PEPD: variants seen among roughly 807,000 people sequenced by gnomAD.
PEPD encodes xaa-Pro dipeptidase.
Under a neutral mutation model 60.7 loss-of-function variants are expected in PEPD, and 53 were observed. The ratio of observed to expected loss-of-function variants is 0.87; its 90% confidence interval spans 0.70 to 1.10. PEPD has a LOEUF of 1.10. Among genes scored for constraint, PEPD ranks in the 50% least tolerant of loss-of-function variants. The pLI is 0.00. For missense variants in PEPD, 711 were observed against 711.9 expected, an observed-to-expected ratio of 1.00 and a Z score of 0.01; for synonymous variants, 267 against 284.1, an observed-to-expected ratio of 0.94 and a Z score of 0.60.
chr19:33,443,134 C>G (rs534796613), intron 9 of PEPD, among the ~76,000 whole-genome samples: 113 of 152,372 alleles, frequency 7.4e-4, no homozygotes, highest in African/African-American at 2.6e-3. Context: ...TCTCTGTGGA[C>G]TTGCCTGTTC....
At chr19:33,431,092 AG>A (rs1470666900) in intron 9 of PEPD, among the ~76,000 whole-genome samples, 8 of 151,616 alleles carry the variant, frequency 5.3e-5, no homozygotes. Flanking sequence ...CCTGGGCAAC[AG>A]AGCAAGATCC....
intron 2 of PEPD, 65 bp from the exon 3 acceptor site, chr19:33,511,220 T>G: frequency 6.4e-7 from 1 of 1,572,628 alleles, no homozygotes; most frequent in Non-Finnish European, 8.7e-7. Flanking sequence ...GACCGGTGGC[T>G]GCATCACAGC....
At chr19:33,398,575 C>T (rs1968419128) in intron 12 of PEPD, among the ~76,000 whole-genome samples, 3 of 152,246 alleles carry the variant, frequency 2.0e-5, no homozygotes, top group Admixed American at 6.5e-5. Context: ...CCACAGGCCA[C>T]GCTCACCTGC....
intron 9 of PEPD, among the ~76,000 whole-genome samples, chr19:33,428,282 G>A (rs1007506423): frequency 4.6e-5 from 7 of 152,116 alleles, no homozygotes; most frequent in African/African-American, 1.2e-4. Context: ...CTGGGTCCCC[G>A]CAGGGAGCCC....
chr19:33,412,638 T>C (rs1968803409), intron 10 of PEPD, among the ~76,000 whole-genome samples: 1 of 152,270 alleles, frequency 6.6e-6, no homozygotes, highest in Non-Finnish European at 1.5e-5. Context: ...GTAATATTTA[T>C]GGCCCTGCTC....
intron 3 of PEPD, among the ~76,000 whole-genome samples, chr19:33,505,271 C>T (rs542748045): frequency 6.6e-6 from 1 of 152,118 alleles, no homozygotes; most frequent in African/African-American, 2.4e-5. Flanking sequence ...CAGAAGGCAG[C>T]GGCATTTGCT....
At chr19:33,462,742 G>A (rs1328253335) in intron 9 of PEPD, among the ~76,000 whole-genome samples, 1 of 152,214 alleles carries the variant, frequency 6.6e-6, no homozygotes, top group Non-Finnish European at 1.5e-5. Flanking sequence ...AACAAAGTCC[G>A]AGAGTAGAAT....
At position 33,391,391 on chromosome 19, in the gene PEPD, G is replaced by A. The variant is rs557804462; in HGVS notation, c.1056C>T (p.Asp352=). 21 of 1,596,358 alleles carry A rather than the reference G, an allele frequency of 1.3e-5. No homozygotes were observed. Among genetic ancestry groups the A allele is most frequent in the Middle Eastern group, 1.7e-4 (1 of 6,018 alleles). ...CCCCCAGGTGAGCCTGGACCATGGC[G>A]TCCACGCTGCCGCTCAGGATGCCCA... ...AHMGILSGSV[D]AMVQAHLGAV... is the part of the protein sequence containing the mutation. Residue 352 remains aspartate, a synonymous_variant, in exon 13 of 15, where the codon GAC becomes GAT. Transcript: ENST00000244137.
chr19:33,420,176 G>A (rs990997146), intron 9 of PEPD, among the ~76,000 whole-genome samples: 2 of 143,878 alleles, frequency 1.4e-5, no homozygotes, highest in African/African-American at 5.2e-5. Context: ...GATCAGTTAC[G>A]GATAAAACAT....
chr19:33,425,663 G>A (rs1969130381), intron 9 of PEPD, among the ~76,000 whole-genome samples: 1 of 152,066 alleles, frequency 6.6e-6, no homozygotes, highest in Non-Finnish European at 1.5e-5. Context: ...AGGATAAAAA[G>A]CATCTTAAAA....
In PEPD at chr19:33,413,653, G is replaced by GA; in HGVS notation, c.672-11dup. 1 of 1,563,350 alleles carries GA rather than the reference G, an allele frequency of 6.4e-7. No individual in the cohort carries two copies. On this transcript the variant is annotated splice_polypyrimidine_tract_variant and intron_variant, in intron 9 of 14. Transcript: ENST00000244137. ...GTAGTGCTCGAAGAGGCTGCAGGGG[G>GA]AGAGACGCGTCAGGGTTGGGGCACT...
intron 12 of PEPD, among the ~76,000 whole-genome samples, chr19:33,399,742 C>G (rs1968446534): frequency 1.3e-5 from 2 of 152,334 alleles, no homozygotes; most frequent in African/African-American, 4.8e-5. Context: ...AGTTCTGAGG[C>G]CGCATTCTGG....
chr19:33,493,233 C>A (rs1467262090), intron 5 of PEPD, 57 bp downstream of exon 5: 26 of 1,265,722 alleles, frequency 2.1e-5, no homozygotes, highest in Non-Finnish European at 2.9e-5. Flanking sequence ...AGGTGGCCCC[C>A]ATAAAAACCC....
intron 7 of PEPD, among the ~76,000 whole-genome samples, chr19:33,465,533 C>T (rs1258110970): frequency 1.3e-5 from 2 of 152,084 alleles, no homozygotes; most frequent in South Asian, 2.1e-4. Flanking sequence ...CTGGGGGCCA[C>T]TCCAGCACCA....
chr19:33,391,012 CCTGA>C (rs1450587427), intron 13 of PEPD, among the ~76,000 whole-genome samples: 7 of 152,304 alleles, frequency 4.6e-5, no homozygotes, highest in Middle Eastern at 3.4e-3. Context: ...TGCACCGTAT[CCTGA>C]CTGTGTGCCA....
intron 3 of PEPD, among the ~76,000 whole-genome samples, chr19:33,505,779 C>T (rs1970789132): frequency 6.7e-6 from 1 of 149,902 alleles, no homozygotes. Flanking sequence ...TTTACTCACA[C>T]ACCCACACAC....
intron 9 of PEPD, among the ~76,000 whole-genome samples, chr19:33,418,739 C>T (rs75145648): frequency 0.11 from 17,329 of 152,188 alleles, 1,113 homozygotes; most frequent in Middle Eastern, 0.15. Flanking sequence ...GGGACTGCTG[C>T]GTGCCTCCCC....
At chr19:33,481,461 G>A (rs561257035) in intron 6 of PEPD, among the ~76,000 whole-genome samples, 22 of 152,230 alleles carry the variant, frequency 1.4e-4, no homozygotes, top group African/African-American at 5.3e-4. Flanking sequence ...AGCTACTCAG[G>A]AGGCTGAGGC....
chr19:33,480,579 G>A (rs55912947), intron 6 of PEPD, among the ~76,000 whole-genome samples: 1,619 of 152,152 alleles, frequency 0.011, 14 homozygotes, highest in Non-Finnish European at 0.017. Context: ...GGTGGATCAC[G>A]AGGTCAGGAG....
Sources: allele counts gnomAD v4.1 joint callset (sites outside exome capture counted in the v4.1 genomes callset), GRCh38; gene constraint gnomAD v4.1.1; transcripts MANE v1.5; gene names NCBI Gene and HGNC (gene_info 2026-07-23, HGNC 2026-07-21).